The following ADAMTS16 variants were observed in gnomAD, a reference collection of about 807,000 sequenced individuals.
ADAMTS16 encodes the protein A disintegrin and metalloproteinase with thrombospondin motifs 16.
In ADAMTS16, 94 loss-of-function variants were observed where a neutral mutation model predicts 145.8. The ratio of observed to expected loss-of-function variants is 0.64; its 90% CI spans 0.55 to 0.77. The LOEUF (loss-of-function observed/expected upper bound fraction) is 0.77. ADAMTS16 is among the 30% of genes least tolerant of loss of function. The pLI, the probability that ADAMTS16 is intolerant of heterozygous loss-of-function variation, is 0.00. For missense variants in ADAMTS16, 1,585 were observed against 1,591.5 expected (o/e 1.00, Z 0.07); for synonymous variants, 659 against 604.3 (o/e 1.09, Z -1.33).
intron 2 of ADAMTS16, among the ~76,000 whole-genome samples, chr5:5,141,322 T>C (rs1031919040): frequency 2.0e-5 from 3 of 152,196 alleles, no homozygotes; most frequent in Non-Finnish European, 4.4e-5. Flanking sequence ...ATCAGCTGAT[T>C]GTGACACCAT....
At chr5:5,254,012 G>A (rs547268284) in intron 17 of ADAMTS16, among the ~76,000 whole-genome samples, 8 of 152,218 alleles carry the variant, frequency 5.3e-5, no homozygotes, top group East Asian at 1.9e-4. Flanking sequence ...CTGTTCTCTC[G>A]TCAGTCCTAC....
At chr5:5,271,183 G>T (rs1485955773) in intron 18 of ADAMTS16, among the ~76,000 whole-genome samples, 1 of 152,244 alleles carries the variant, frequency 6.6e-6, no homozygotes, top group Non-Finnish European at 1.5e-5. Context: ...AGCCTTGCAG[G>T]CTCCTGCAAT....
At chr5:5,209,988 T>G (rs1579313171) in intron 10 of ADAMTS16, among the ~76,000 whole-genome samples, 1 of 152,324 alleles carries the variant, frequency 6.6e-6, no homozygotes, top group African/African-American at 2.4e-5. Context: ...TACTCCCAAC[T>G]TAAATCTAAC....
intron 21 of ADAMTS16, among the ~76,000 whole-genome samples, chr5:5,311,841 C>T (rs1464128213): frequency 6.6e-6 from 1 of 151,878 alleles, no homozygotes; most frequent in African/African-American, 2.4e-5. Flanking sequence ...CTCAGCCTCC[C>T]AAGTAGCTGG....
At position 5,184,586 on chromosome 5, in the gene ADAMTS16, G is replaced by A. The variant is rs187429881; in HGVS notation, c.764-1466G>A. 9.2e-5 allele frequency among the ~76,000 whole-genome samples: 14 copies of A among 152,216 alleles called. No individual in the cohort carries two copies. The East Asian group carries it at 2.7e-3, about 29-fold the overall frequency. On this transcript the variant is annotated intron_variant, in intron 4 of 22. Coordinates refer to ENST00000274181, the MANE Select transcript of ADAMTS16 (RefSeq NM_139056.4). ...TGTGTTCACTTAGGCATTTTTCGGTGGAAAAGGGCAAACAGAGGCAGGTTG... is the reference window on the plus strand; with the variant it reads ...TGTGTTCACTTAGGCATTTTTCGGTAGAAAAGGGCAAACAGAGGCAGGTTG...
chr5:5,248,278 C>A (rs1361377352), intron 17 of ADAMTS16, among the ~76,000 whole-genome samples: 1 of 152,160 alleles, frequency 6.6e-6, no homozygotes, highest in African/African-American at 2.4e-5. Flanking sequence ...ACTTAAGACT[C>A]TTCTTCTAGA....
chr5:5,206,883 A>G (rs750052181), intron 9 of ADAMTS16, among the ~76,000 whole-genome samples: 1 of 152,190 alleles, frequency 6.6e-6, no homozygotes, highest in Non-Finnish European at 1.5e-5. Context: ...GTCAAAGATC[A>G]GTTGACTATA....
At chr5:5,164,090 G>A (rs1734803876) in intron 3 of ADAMTS16, among the ~76,000 whole-genome samples, 1 of 149,408 alleles carries the variant, frequency 6.7e-6, no homozygotes, top group Non-Finnish European at 1.5e-5. Flanking sequence ...AGAGTTCTGA[G>A]TATCATGGGT....
At chr5:5,290,289 G>A (rs1434463837) in intron 18 of ADAMTS16, among the ~76,000 whole-genome samples, 2 of 152,180 alleles carry the variant, frequency 1.3e-5, no homozygotes, top group African/African-American at 4.8e-5. Context: ...TCTAAACGAA[G>A]TCAGTGGTCT....
At chr5:5,168,962 G>A (rs982261771) in intron 3 of ADAMTS16, among the ~76,000 whole-genome samples, 1 of 151,172 alleles carries the variant, frequency 6.6e-6, no homozygotes, top group Non-Finnish European at 1.5e-5. Flanking sequence ...GTGCAGTGCC[G>A]CTTCCTCCAT....
At position 5,186,120 on chromosome 5, in the gene ADAMTS16, A is replaced by G; in HGVS notation, c.832A>G (p.Lys278Glu). The change falls in exon 5 of 23, where the codon AAG (lysine) becomes GAG (glutamate). Residue 278 changes from lysine to glutamate, a missense_variant. By Grantham distance (56) the Lys-to-Glu change is moderately conservative. Around this residue, in one of 3 missense-constraint regions of ADAMTS16, gnomAD observed 453 missense variants for 412.1 expected, o/e 1.10. Transcript: ENST00000274181. ...TGAGTATAAGTCTTGCTTACGGCATAAGCGCTCTCTTCTGAGGTCCCATAG... is the reference window on the plus strand; with the variant it reads ...TGAGTATAAGTCTTGCTTACGGCATGAGCGCTCTCTTCTGAGGTCCCATAG... ...PDEYKSCLRH[K>E]RSLLRSHRNE... 6.2e-7 allele frequency: 1 copy of G among 1,614,134 alleles called. No individual in the cohort carries two copies. Among genetic ancestry groups the G allele is most frequent in the Non-Finnish European group, 8.5e-7 (1 of 1,180,026 alleles).
intron 4 of ADAMTS16, 139 bp from the exon 5 acceptor site, chr5:5,185,913 G>T: frequency 1.4e-6 from 1 of 704,602 alleles, no homozygotes; most frequent in Non-Finnish European, 2.4e-6. Flanking sequence ...ACAAGTTTCT[G>T]CATCACAAGG....
chr5:5,235,014 G>A lies in ADAMTS16; in HGVS notation c.1851G>A (p.Lys617=). 1.3e-6 allele frequency: 2 copies of A among 1,565,898 alleles called. No individual in the cohort carries two copies. The highest frequency in any genetic ancestry group is 1.7e-6 in the Non-Finnish European group (2 of 1,147,134). The part of the protein sequence containing the change: ...SHRSRLCTNP[K]PSHGGKFCEG... ...TCTAACTTCAAAATACACATTCCAG[G>A]CCATCGCATGGAGGGAAGTTCTGTG... The change falls in exon 13 of 23, where the codon AAG becomes AAA. Residue 617 remains lysine, a splice_region_variant and synonymous_variant. Coordinates refer to ENST00000274181, the MANE Select transcript of ADAMTS16 (RefSeq NM_139056.4).
At position 5,146,219 on chromosome 5, in the gene ADAMTS16, G is replaced by C; in HGVS notation, c.265G>C (p.Val89Leu). The change falls in exon 3 of 23, where the codon GTG becomes CTG. Residue 89 changes from valine to leucine, a missense_variant. Val to Leu is a conservative substitution (Grantham distance 32). Around this residue, in one of 3 missense-constraint regions of ADAMTS16, gnomAD observed 453 missense variants for 412.1 expected, o/e 1.10. Transcript: ENST00000274181. Reference protein sequence around the residue: ...IMHHQRRRRAVPVSEVESLHL... With the variant: ...IMHHQRRRRALPVSEVESLHL... ...GCACCATCAGCGGCGGAGAAGAGCA[G>C]TGCCCGTGTCCGAGGTTGAGTCTCT... 1 of 1,614,182 alleles carries C rather than the reference G, an allele frequency of 6.2e-7. No individual in the cohort carries two copies. Among genetic ancestry groups the C allele is most frequent in the Non-Finnish European group, 8.5e-7 (1 of 1,180,028 alleles).
At chr5:5,314,511 T>C (rs1489894531) in intron 21 of ADAMTS16, among the ~76,000 whole-genome samples, 2 of 152,164 alleles carry the variant, frequency 1.3e-5, no homozygotes, top group Non-Finnish European at 2.9e-5. Flanking sequence ...ACAACTTGGA[T>C]TTTTTTCTTC....
intron 10 of ADAMTS16, among the ~76,000 whole-genome samples, chr5:5,214,791 T>C (rs1736374924): frequency 6.6e-6 from 1 of 152,242 alleles, no homozygotes; most frequent in Non-Finnish European, 1.5e-5. Flanking sequence ...GTGTGGCAAT[T>C]AGAGATTTTT....
At position 5,272,917 on chromosome 5, in the gene ADAMTS16, T is replaced by G. The variant is rs144232681; in HGVS notation, c.2789+10134T>G. 6.9e-4 allele frequency among the ~76,000 whole-genome samples: 105 copies of G among 152,296 alleles called. 1 individual carries two copies. The East Asian group carries it at 0.018, about 26-fold the overall frequency. ...GTCCGCAGGCAGTGGCTCTCTGCAG[T>G]TACTTTCTTTGTGCTTCTGGAATGA... is the stretch of plus-strand genomic sequence containing the variant. On this transcript the variant is annotated intron_variant, in intron 18 of 22. Coordinates refer to ENST00000274181, the MANE Select transcript of ADAMTS16 (RefSeq NM_139056.4).
chr5:5,281,109 G>A (rs1579375514), intron 18 of ADAMTS16, among the ~76,000 whole-genome samples: 1 of 152,232 alleles, frequency 6.6e-6, no homozygotes, highest in African/African-American at 2.4e-5. Flanking sequence ...GAGTGTCAGT[G>A]CAGAAATGAT....
chr5:5,184,680 G>T (rs1735448041), intron 4 of ADAMTS16, among the ~76,000 whole-genome samples: 1 of 152,120 alleles, frequency 6.6e-6, no homozygotes, highest in Admixed American at 6.6e-5. Flanking sequence ...TTCAGGTGAT[G>T]GTGGGTGTGC....
Sources: gnomAD v4.1 joint callset for allele counts (sites outside exome capture counted in the v4.1 genomes callset) on GRCh38, gnomAD v4.1.1 for gene constraint, gnomAD v4.1.1 regional missense constraint, MANE v1.5 for transcripts, NCBI Gene and HGNC (gene_info 2026-07-23, HGNC 2026-07-21) for gene names.